Variants in FMN1 observed in about 807,000 individuals in gnomAD.
FMN1 encodes formin 1, also known as formin-1.
A neutral mutation model predicts 132.4 loss-of-function variants in FMN1; 110 were observed. The observed-to-expected ratio is 0.83, with a 90% CI of 0.71 to 0.97. The LOEUF (loss-of-function observed/expected upper bound fraction) is 0.97, where lower values mean the gene tolerates loss of function less well. Ranked by LOEUF, FMN1 falls within the 50% of genes least tolerant of loss-of-function variation. The probability of loss-of-function intolerance (pLI) is 0.00; values close to 1 mark genes in which losing one functional copy is unlikely to be tolerated. For synonymous variants in FMN1, 722 were observed against 651.7 expected (o/e 1.11, Z -1.64); for missense variants, 1,792 against 1,705.3 (o/e 1.05, Z -0.90).
At chr15:33,057,552 A>G (rs758068820) in intron 6 of FMN1, among the ~76,000 whole-genome samples, 1 of 152,216 alleles carries the variant, frequency 6.6e-6, no homozygotes, top group Non-Finnish European at 1.5e-5. Flanking sequence ...ATCTTGCCAC[A>G]TGTCACAGCT....
chr15:33,126,570 A>C (rs1022540577), intron 4 of FMN1, among the ~76,000 whole-genome samples: 6 of 151,954 alleles, frequency 3.9e-5, no homozygotes, highest in Non-Finnish European at 8.8e-5. Context: ...TGAAGTTCTT[A>C]GCACTTCTGC....
At chr15:32,865,632 T>C (rs2059373856) in intron 16 of FMN1, among the ~76,000 whole-genome samples, 1 of 152,060 alleles carries the variant, frequency 6.6e-6, no homozygotes, top group South Asian at 2.1e-4. Flanking sequence ...AGGTTGGGAG[T>C]TCGAGACCAG....
At chr15:32,798,216 A>ACACACCCCCC (rs1286307994) in intron 19 of FMN1, among the ~76,000 whole-genome samples, 48 of 140,974 alleles carry the variant, frequency 3.4e-4, no homozygotes, top group African/African-American at 1.2e-3. Context: ...ACACACACAC[A>ACACACCCCCC]CCCCGTCTAT....
rs543574020 is a variant in FMN1 at position 32,981,316 on chromosome 15, T to C, written c.2224-11839A>G. Among the ~76,000 whole-genome samples, 466 of 151,768 alleles carry C rather than the reference T, an allele frequency of 3.1e-3. 3 individuals carry two copies. The highest frequency in any genetic ancestry group is 0.01 in the Middle Eastern group (3 of 292). ...ACCATCCTGGTTAATAAGGTGAAAC[T>C]GCGTCTCTACTAAAAATACGAAAAA... On this transcript the variant is annotated intron_variant, in intron 7 of 20. Coordinates refer to ENST00000616417, the MANE Select transcript of FMN1 (RefSeq NM_001277313.2).
At chr15:32,935,830 G>A (rs144705354) in intron 9 of FMN1, among the ~76,000 whole-genome samples, 6 of 152,162 alleles carry the variant, frequency 3.9e-5, no homozygotes, top group Admixed American at 3.9e-4. Context: ...GTTTCACCAC[G>A]TTGGGCATGC....
intron 9 of FMN1, among the ~76,000 whole-genome samples, chr15:32,935,627 T>G (rs1189895962): frequency 6.6e-6 from 1 of 151,402 alleles, no homozygotes; most frequent in African/African-American, 2.4e-5. Context: ...TTAGACTTTC[T>G]TTACTCTTTT....
intron 7 of FMN1, among the ~76,000 whole-genome samples, chr15:32,980,208 C>A (rs1003346109): frequency 7.0e-6 from 1 of 143,352 alleles, no homozygotes; most frequent in African/African-American, 2.8e-5. Context: ...ACATAAGATG[C>A]CAGAAAGGGA....
chr15:32,910,242 G>C (rs1313544118), intron 11 of FMN1, among the ~76,000 whole-genome samples: 1 of 152,192 alleles, frequency 6.6e-6, no homozygotes, highest in African/African-American at 2.4e-5. Context: ...GTGTCCACCT[G>C]AGATGCCCTG....
At chr15:33,149,837 A>G (rs1416837320) in intron 4 of FMN1, 38 of 981,758 alleles carry the variant, frequency 3.9e-5, no homozygotes, top group Non-Finnish European at 4.4e-5. Context: ...ATATGGGAAG[A>G]GTTTATATTT....
chr15:33,019,435 C>T (rs1186301790), intron 6 of FMN1, among the ~76,000 whole-genome samples: 2 of 152,244 alleles, frequency 1.3e-5, no homozygotes, highest in Non-Finnish European at 2.9e-5. Flanking sequence ...CCAGTGGATC[C>T]TGCACCGGGG....
chr15:33,002,561 T>C (rs2034178728), intron 7 of FMN1, among the ~76,000 whole-genome samples: 2 of 152,136 alleles, frequency 1.3e-5, no homozygotes, highest in Admixed American at 1.3e-4. Context: ...CAGGGGTAAT[T>C]AATCAGGCAG....
intron 15 of FMN1, among the ~76,000 whole-genome samples, chr15:32,898,243 T>C (rs1053056321): frequency 2.6e-5 from 4 of 152,238 alleles, no homozygotes; most frequent in African/African-American, 9.6e-5. Context: ...TTGCTATATT[T>C]CTTAACATCT....
chr15:32,912,782 T>G (rs1308967620), intron 10 of FMN1, among the ~76,000 whole-genome samples: 2 of 152,094 alleles, frequency 1.3e-5, no homozygotes, highest in Non-Finnish European at 2.9e-5. Flanking sequence ...AGAGCAAAAT[T>G]TACTCATTGT....
At chr15:32,926,341 A>T (rs562729461) in intron 9 of FMN1, 80 bp from the exon 10 acceptor site, 5 of 712,954 alleles carry the variant, frequency 7.0e-6, no homozygotes, top group South Asian at 5.8e-5. Flanking sequence ...AAAACATTAA[A>T]TTTTTTTAGA....
At chr15:32,893,776 G>T (rs779878326) in intron 15 of FMN1, among the ~76,000 whole-genome samples, 1 of 152,202 alleles carries the variant, frequency 6.6e-6, no homozygotes, top group Non-Finnish European at 1.5e-5. Context: ...TGTTCTCATT[G>T]TAAGATTTTC....
chr15:33,063,602 C>A (rs2037583911), intron 6 of FMN1: 1 of 152,118 alleles, frequency 6.6e-6, no homozygotes, highest in Non-Finnish European at 1.5e-5. Flanking sequence ...GTACGACCCT[C>A]ATTGATACAG....
At position 32,772,256 on chromosome 15, in the gene FMN1, C is replaced by T. The variant is rs2056271731; in HGVS notation, c.*2054G>A. On this transcript the variant is annotated 3_prime_UTR_variant, in exon 21 of 21. Coordinates refer to ENST00000616417, the MANE Select transcript of FMN1 (RefSeq NM_001277313.2). ...ACCTTCACTGATTTCTCGTAAGCATCCTACTTACAGACCAAAGTGGACTGC... is the reference window on the plus strand; with the variant it reads ...ACCTTCACTGATTTCTCGTAAGCATTCTACTTACAGACCAAAGTGGACTGC... 1 of 152,184 alleles carries T rather than the reference C, an allele frequency of 6.6e-6. No individual in the cohort carries two copies. Among genetic ancestry groups the T allele is most frequent in the South Asian group, 2.1e-4 (1 of 4,832 alleles). The allele number at this position is 152,184 out of a possible 1,614,324, so 9.4% of individuals were successfully genotyped here.
At chr15:33,110,339 A>C (rs929705166) in intron 4 of FMN1, among the ~76,000 whole-genome samples, 5 of 152,120 alleles carry the variant, frequency 3.3e-5, no homozygotes, top group African/African-American at 1.2e-4. Context: ...GGAAATGCTT[A>C]TAACATGTGG....
At chr15:32,851,014 C>T (rs1434924953) in intron 17 of FMN1, among the ~76,000 whole-genome samples, 3 of 151,592 alleles carry the variant, frequency 2.0e-5, no homozygotes, top group Non-Finnish European at 4.4e-5. Flanking sequence ...GCCAAGATCG[C>T]GCCACTGCAC....
Sources: allele counts gnomAD v4.1 joint callset (sites outside exome capture counted in the v4.1 genomes callset), GRCh38; gene constraint gnomAD v4.1.1; transcripts MANE v1.5; gene names NCBI Gene and HGNC (gene_info 2026-07-23, HGNC 2026-07-21).